SPTLC1: variants seen among roughly 807,000 people sequenced by gnomAD.
SPTLC1 encodes serine palmitoyltransferase long chain base subunit 1, also known as serine palmitoyltransferase 1.
A neutral mutation model predicts 68.9 loss-of-function variants in SPTLC1; 55 were observed. That is an observed-to-expected ratio of 0.80 (90% CI 0.64 to 1.00). SPTLC1 has a LOEUF of 1.00. SPTLC1 is among the 50% of genes least tolerant of loss of function. The pLI is 0.00. For missense variants in SPTLC1, 449 were observed against 573.1 expected, an observed-to-expected ratio of 0.78 and a Z score of 2.21; for synonymous variants, 197 against 201.6, an observed-to-expected ratio of 0.98 and a Z score of 0.19.
intron 5 of SPTLC1, among the ~76,000 whole-genome samples, chr9:92,076,306 G>A (rs1051962609): frequency 6.6e-6 from 1 of 152,030 alleles, no homozygotes; most frequent in East Asian, 1.9e-4. Flanking sequence ...CACTGCAAAG[G>A]ACACCAAAAA....
At chr9:92,108,453 A>G (rs1836086971) in intron 3 of SPTLC1, 1 of 374,434 alleles carries the variant, frequency 2.7e-6, no homozygotes, top group African/African-American at 2.1e-5. Flanking sequence ...GGTAAAAAGC[A>G]GAAGTCTGTT....
chr9:92,078,226 T>C (rs1215048144), intron 5 of SPTLC1, among the ~76,000 whole-genome samples: 1 of 152,124 alleles, frequency 6.6e-6, no homozygotes. Context: ...ACAAAAACAA[T>C]TCCTTTACCT....
chr9:92,035,637 T>C (rs1368136643), intron 13 of SPTLC1, among the ~76,000 whole-genome samples: 4 of 152,022 alleles, frequency 2.6e-5, no homozygotes, highest in Non-Finnish European at 5.9e-5. Context: ...TATACTTCAA[T>C]AGGGTGAATT....
intron 6 of SPTLC1, among the ~76,000 whole-genome samples, chr9:92,063,383 CAAAAAAG>C (rs1834170244): frequency 6.6e-6 from 1 of 151,976 alleles, no homozygotes; most frequent in Admixed American, 6.6e-5. Context: ...AAGATACTTG[CAAAAAAG>C]AAATCTCTCC....
intron 3 of SPTLC1, among the ~76,000 whole-genome samples, chr9:92,087,374 T>A (rs1011725399): frequency 6.6e-6 from 1 of 152,218 alleles, no homozygotes; most frequent in African/African-American, 2.4e-5. Context: ...CTTTGTGGTT[T>A]TATCTACTTT....
intron 9 of SPTLC1, among the ~76,000 whole-genome samples, chr9:92,049,717 T>C (rs919744842): frequency 6.6e-6 from 1 of 152,142 alleles, no homozygotes; most frequent in African/African-American, 2.4e-5. Context: ...GAATGAAACT[T>C]TGCAAACAGA....
At chr9:92,057,062 C>T (rs548516608) in intron 7 of SPTLC1, among the ~76,000 whole-genome samples, 3 of 152,272 alleles carry the variant, frequency 2.0e-5, no homozygotes, top group Admixed American at 6.5e-5. Context: ...CTAATCATAC[C>T]ACACGGTGAT....
At chr9:92,081,180 T>C (rs1439181279) in intron 3 of SPTLC1, among the ~76,000 whole-genome samples, 1 of 152,064 alleles carries the variant, frequency 6.6e-6, no homozygotes, top group Non-Finnish European at 1.5e-5. Context: ...ACCTGTACTA[T>C]GAAAATAAAA....
chr9:92,073,962 C>A (rs1014788097), intron 5 of SPTLC1, among the ~76,000 whole-genome samples: 2 of 152,240 alleles, frequency 1.3e-5, no homozygotes, highest in African/African-American at 2.4e-5. Context: ...CTAAGCCATG[C>A]CCCTGTGTGG....
intron 6 of SPTLC1, among the ~76,000 whole-genome samples, chr9:92,064,475 A>G (rs1212080668): frequency 6.6e-6 from 1 of 152,258 alleles, no homozygotes; most frequent in Non-Finnish European, 1.5e-5. Flanking sequence ...GCTTCTGAAG[A>G]TGTGGAGAAC....
intron 13 of SPTLC1, among the ~76,000 whole-genome samples, chr9:92,037,227 G>A (rs1228433926): frequency 6.6e-6 from 1 of 152,216 alleles, no homozygotes; most frequent in African/African-American, 2.4e-5. Context: ...TGTCTAGGCG[G>A]ATGAGGCTCA....
intron 3 of SPTLC1, among the ~76,000 whole-genome samples, chr9:92,104,148 G>T (rs1203004109): frequency 1.3e-5 from 2 of 152,210 alleles, no homozygotes; most frequent in Non-Finnish European, 2.9e-5. Context: ...TGACTTCGGA[G>T]TATCCTCTCC....
chr9:92,034,917 G>A, intron 13 of SPTLC1, 34 bp from the exon 14 acceptor site: 1 of 1,555,690 alleles, frequency 6.4e-7, no homozygotes, highest in Non-Finnish European at 8.9e-7. Context: ...CTGCAACCTG[G>A]ACTTCAGACA....
intron 6 of SPTLC1, among the ~76,000 whole-genome samples, chr9:92,067,212 T>C (rs956577448): frequency 1.3e-5 from 2 of 151,730 alleles, no homozygotes; most frequent in Non-Finnish European, 2.9e-5. Context: ...GGCAGGAGAA[T>C]TGCTTGAACT....
chr9:92,092,158 C>T (rs964425112), intron 3 of SPTLC1, among the ~76,000 whole-genome samples: 2 of 152,088 alleles, frequency 1.3e-5, no homozygotes, highest in African/African-American at 4.8e-5. Context: ...ATGTAATGGA[C>T]ACAAGACACC....
chr9:92,090,760 C>A (rs1027132441), intron 3 of SPTLC1, among the ~76,000 whole-genome samples: 3 of 152,044 alleles, frequency 2.0e-5, no homozygotes, highest in Non-Finnish European at 4.4e-5. Flanking sequence ...AAGGCCACTG[C>A]CCTGGAACAA....
At chr9:92,076,978 G>GT (rs1417884720) in intron 5 of SPTLC1, 3 of 152,130 alleles carry the variant, frequency 2.0e-5, no homozygotes, top group African/African-American at 7.2e-5. Context: ...CACTCAAGCA[G>GT]TTTCCCAAGC....
In SPTLC1 at chr9:92,047,690, T is replaced by A. The variant is rs775359105; in HGVS notation, c.907A>T (p.Ile303Phe). 7 of 1,612,570 alleles carry A rather than the reference T, an allele frequency of 4.3e-6. No individual in the cohort carries two copies. In the Admixed American group the frequency reaches 1.2e-4, roughly 27 times the overall value. The change falls in exon 10 of 15, where the codon ATC (isoleucine) becomes TTC (phenylalanine). Residue 303 changes from isoleucine (I) to phenylalanine (F), a missense_variant. By Grantham distance (21) the Ile-to-Phe change is conservative. Coordinates refer to ENST00000262554, the MANE Select transcript of SPTLC1 (RefSeq NM_006415.4). ...AGTGCATTCTCCATGTTGGCACTGA[T>A]AAGATCAATATCATCAATCTGCCGG... is the stretch of plus-strand genomic sequence containing the variant. ...YGINIDDIDL[I>F]SANMENALAS...
At chr9:92,034,760 G>A in intron 14 of SPTLC1, 50 bp downstream of exon 14, 1 of 1,483,158 alleles carries the variant, frequency 6.7e-7, no homozygotes, top group Non-Finnish European at 9.4e-7. Flanking sequence ...GTATTTCATA[G>A]AGCTCAGAGT....
Sources: gnomAD v4.1 joint callset for allele counts (sites outside exome capture counted in the v4.1 genomes callset) on GRCh38, gnomAD v4.1.1 for gene constraint, MANE v1.5 for transcripts, NCBI Gene and HGNC (gene_info 2026-07-23, HGNC 2026-07-21) for gene names.